Variants in MYO3B observed in about 807,000 individuals in gnomAD.
MYO3B encodes the protein myosin IIIB, also known as myosin-IIIb.
A neutral mutation model predicts 174.6 loss-of-function variants in MYO3B; 156 were observed. The observed-to-expected ratio is 0.89, with a 90% CI of 0.78 to 1.02. The LOEUF is 1.02. MYO3B is among the 50% of genes least tolerant of loss of function. The pLI, the probability that MYO3B is intolerant of heterozygous loss-of-function variation, is 0.00. For synonymous variants in MYO3B, 563 were observed against 569.1 expected (o/e 0.99, Z 0.15); for missense variants, 1,632 against 1,639.4 (o/e 1.00, Z 0.08).
chr2:170,466,330 A>G (rs931546980), intron 24 of MYO3B, among the ~76,000 whole-genome samples, 176 bp from the exon 25 acceptor site: 3 of 152,190 alleles, frequency 2.0e-5, no homozygotes, highest in Non-Finnish European at 4.4e-5. Context: ...ATGGTTTTGA[A>G]TCTGCAGATG....
At chr2:170,364,776 G>A (rs907444874) in intron 8 of MYO3B, among the ~76,000 whole-genome samples, 8 of 152,130 alleles carry the variant, frequency 5.3e-5, no homozygotes, top group African/African-American at 1.7e-4. Context: ...ATGACAAGCC[G>A]ACAAACTTAA....
intron 30 of MYO3B, among the ~76,000 whole-genome samples, chr2:170,535,715 A>G (rs1321186872): frequency 1.3e-5 from 2 of 152,190 alleles, no homozygotes; most frequent in African/African-American, 4.8e-5. Context: ...CATGGGATGA[A>G]ATGGATAGTC....
intron 1 of MYO3B, among the ~76,000 whole-genome samples, chr2:170,180,449 T>G (rs746223241): frequency 6.6e-6 from 1 of 152,196 alleles, no homozygotes; most frequent in Non-Finnish European, 1.5e-5. Flanking sequence ...TCAAGCATGG[T>G]CCTTTCAGTT....
At position 170,621,007 on chromosome 2, in the gene MYO3B, G is replaced by A. The variant is rs983605070; in HGVS notation, c.3734-30621G>A. On this transcript the variant is annotated intron_variant, in intron 32 of 34. Transcript: ENST00000408978. ...GGGTTCAAGCGCTTCTCCTGCCTCA[G>A]CCTCCCGAGTAGCTGGGATTACAGG... is the stretch of plus-strand genomic sequence containing the variant. Among the ~76,000 whole-genome samples the A allele has an allele frequency of 8.7e-4, 132 of 151,942 alleles. 1 individual carries two copies. The highest frequency in any genetic ancestry group is 1.7e-3 in the Non-Finnish European group (117 of 67,900).
At chr2:170,539,737 A>G (rs1042360838) in intron 30 of MYO3B, among the ~76,000 whole-genome samples, 3 of 151,806 alleles carry the variant, frequency 2.0e-5, no homozygotes, top group African/African-American at 7.3e-5. Flanking sequence ...CTCCCACCTC[A>G]GCCTCCTGAG....
chr2:170,284,119 G>A (rs1281057019), intron 7 of MYO3B, among the ~76,000 whole-genome samples: 1 of 152,144 alleles, frequency 6.6e-6, no homozygotes, highest in Non-Finnish European at 1.5e-5. Flanking sequence ...GAATGTTTGT[G>A]TCAGATGTCT....
At chr2:170,647,877 A>G (rs1188699076) in intron 32 of MYO3B, 1 of 152,236 alleles carries the variant, frequency 6.6e-6, no homozygotes, top group East Asian at 1.9e-4. Flanking sequence ...TGTAAACACT[A>G]TATAAATATG....
intron 32 of MYO3B, among the ~76,000 whole-genome samples, chr2:170,549,728 G>C (rs772445880): frequency 2.0e-5 from 3 of 152,122 alleles, no homozygotes; most frequent in Non-Finnish European, 4.4e-5. Context: ...GACAGTCCCA[G>C]GCAAACAGAT....
intron 4 of MYO3B, 85 bp downstream of exon 4, chr2:170,214,568 G>A: frequency 7.1e-7 from 1 of 1,409,244 alleles, no homozygotes; most frequent in Non-Finnish European, 1.0e-6. Flanking sequence ...TAACAATGGG[G>A]AAACTGCCCT....
At chr2:170,260,931 T>C (rs377060993) in intron 7 of MYO3B, among the ~76,000 whole-genome samples, 1 of 152,238 alleles carries the variant, frequency 6.6e-6, no homozygotes. Context: ...GACACTCTTA[T>C]GAGAAGTATG....
chr2:170,442,887 T>C (rs2094812553), intron 22 of MYO3B, among the ~76,000 whole-genome samples: 1 of 152,210 alleles, frequency 6.6e-6, no homozygotes, highest in Admixed American at 6.5e-5. Context: ...CACATTTTCT[T>C]AATCCAGTCT....
intron 1 of MYO3B, among the ~76,000 whole-genome samples, chr2:170,186,472 C>T (rs1290028970): frequency 6.6e-6 from 1 of 152,116 alleles, no homozygotes; most frequent in Non-Finnish European, 1.5e-5. Context: ...GGGATAAATC[C>T]CACTTGGTCA....
chr2:170,307,301 A>G (rs999218296), intron 7 of MYO3B, among the ~76,000 whole-genome samples: 1 of 150,694 alleles, frequency 6.6e-6, no homozygotes, highest in Non-Finnish European at 1.5e-5. Context: ...TAGGTTGCTC[A>G]TAATATTATT....
intron 32 of MYO3B, among the ~76,000 whole-genome samples, chr2:170,639,113 G>A (rs151230140): frequency 1.8e-4 from 27 of 152,290 alleles, no homozygotes; most frequent in Middle Eastern, 6.8e-3. Flanking sequence ...TCCCATATCC[G>A]CAAGCACTTA....
chr2:170,346,695 G>T (rs996040738), intron 8 of MYO3B, among the ~76,000 whole-genome samples: 1 of 152,246 alleles, frequency 6.6e-6, no homozygotes, highest in Non-Finnish European at 1.5e-5. Context: ...TGATTTGCTG[G>T]CCTTTATAGA....
chr2:170,550,739 G>A, intron 32 of MYO3B, among the ~76,000 whole-genome samples: 1 of 152,172 alleles, frequency 6.6e-6, no homozygotes, highest in East Asian at 1.9e-4. Context: ...GTGTCCTCCT[G>A]TATCTCAAGT....
intron 23 of MYO3B, among the ~76,000 whole-genome samples, chr2:170,458,011 C>T (rs1684008327): frequency 6.6e-6 from 1 of 152,162 alleles, no homozygotes; most frequent in African/African-American, 2.4e-5. Flanking sequence ...ACCTTGGCCT[C>T]CCAAAGTGCT....
At chr2:170,544,306 G>C (rs16858707) in intron 32 of MYO3B, among the ~76,000 whole-genome samples, 10 of 152,156 alleles carry the variant, frequency 6.6e-5, no homozygotes, top group African/African-American at 2.4e-4. Context: ...AGCGGATCAC[G>C]CAGGGTCGAA....
intron 16 of MYO3B, 111 bp from the exon 17 acceptor site, chr2:170,400,077 A>G: frequency 7.1e-7 from 1 of 1,409,464 alleles, no homozygotes; most frequent in South Asian, 1.3e-5. Context: ...TGTCCAGGAA[A>G]AGAGGGAGAA....
Sources: allele counts gnomAD v4.1 joint callset (sites outside exome capture counted in the v4.1 genomes callset), GRCh38; gene constraint gnomAD v4.1.1; transcripts MANE v1.5; gene names NCBI Gene and HGNC (gene_info 2026-07-23, HGNC 2026-07-21).